DNM3: variants seen among roughly 807,000 people sequenced by gnomAD.
DNM3 encodes the protein dynamin 3, also known as dynamin-3.
In DNM3, 47 loss-of-function variants were observed where a neutral mutation model predicts 101.6. The observed-to-expected ratio is 0.46, with a 90% confidence interval of 0.37 to 0.59. DNM3 has a LOEUF of 0.59. DNM3 is among the 20% of genes least tolerant of loss of function. DNM3 has a pLI of 0.00. For synonymous variants in DNM3, 385 were observed against 387.9 expected (o/e 0.99, Z 0.09); for missense variants, 849 against 1,085.7 (o/e 0.78, Z 3.06).
chr1:172,410,145 T>C lies in DNM3; in HGVS notation c.*2304T>C. The C allele has an allele frequency of 1.0e-6, 1 of 985,342 alleles. No homozygotes were observed. The highest frequency in any genetic ancestry group is 1.2e-6 in the Non-Finnish European group (1 of 829,842). 61.0% of individuals were successfully genotyped at this position (985,342 alleles called of 1,614,324 possible). ...TACTCTAGAATTTCAGCAGTGACAT[T>C]GGAGAATATTTTTAATTTGCTGCAG... On this transcript the variant is annotated 3_prime_UTR_variant, in exon 21 of 21. Coordinates refer to ENST00000627582, the MANE Select transcript of DNM3 (RefSeq NM_015569.5).
At chr1:172,093,062 G>T (rs2054018672) in intron 13 of DNM3, among the ~76,000 whole-genome samples, 187 bp downstream of exon 13, 1 of 151,998 alleles carries the variant, frequency 6.6e-6, no homozygotes, top group South Asian at 2.1e-4. Context: ...GCTATTTTGT[G>T]CAGTTAACCA....
chr1:172,046,929 G>A lies in DNM3; in HGVS notation c.1197-1683G>A, dbSNP rs10910973. ...AAACTCATTACCATATACAGCTTTT[G>A]TCAAATATAACTGCAAAATCTCAGT... On this transcript the variant is annotated intron_variant, in intron 9 of 20. Coordinates refer to ENST00000627582, the MANE Select transcript of DNM3 (RefSeq NM_015569.5). Among the ~76,000 whole-genome samples the A allele has an allele frequency of 8.9e-3, 1,347 of 152,150 alleles. 16 individuals are homozygous for A. Among genetic ancestry groups the A allele is most frequent in the African/African-American group, 0.03 (1,237 of 41,506 alleles).
chr1:172,114,306 G>A (rs1478689141), intron 13 of DNM3, among the ~76,000 whole-genome samples: 1 of 152,200 alleles, frequency 6.6e-6, no homozygotes, highest in Non-Finnish European at 1.5e-5. Flanking sequence ...CTTGCATGTT[G>A]TAGAAACCAA....
intron 14 of DNM3, among the ~76,000 whole-genome samples, chr1:172,170,238 T>C (rs1426373665): frequency 6.6e-6 from 1 of 151,900 alleles, no homozygotes. Context: ...CAATATCAAG[T>C]GGAGGTGCCA....
At chr1:172,012,566 TCA>T (rs1206117446) in intron 4 of DNM3, among the ~76,000 whole-genome samples, 2 of 151,988 alleles carry the variant, frequency 1.3e-5, no homozygotes, top group Non-Finnish European at 2.9e-5. Context: ...GTGCAAATTC[TCA>T]GAGACCCACT....
chr1:172,034,769 G>A (rs1054187607), intron 6 of DNM3, among the ~76,000 whole-genome samples: 3 of 152,062 alleles, frequency 2.0e-5, no homozygotes, highest in South Asian at 2.1e-4. Context: ...ATGACATGAC[G>A]TTTTTGAAAA....
At chr1:172,311,175 T>G (rs1036512436) in intron 16 of DNM3, 2 of 152,140 alleles carry the variant, frequency 1.3e-5, no homozygotes, top group African/African-American at 4.8e-5. Context: ...ATTATGAACA[T>G]TTTCATCAAA....
intron 11 of DNM3, among the ~76,000 whole-genome samples, chr1:172,071,392 G>T (rs1487349819): frequency 6.6e-6 from 1 of 151,824 alleles, no homozygotes; most frequent in Non-Finnish European, 1.5e-5. Flanking sequence ...GACTTGTGTG[G>T]CATAGCAGAA....
At chr1:172,095,778 C>T (rs976487785) in intron 13 of DNM3, among the ~76,000 whole-genome samples, 6 of 152,168 alleles carry the variant, frequency 3.9e-5, no homozygotes, top group Non-Finnish European at 8.8e-5. Flanking sequence ...CAAAACTCTT[C>T]TTTAAAGTCT....
At chr1:172,063,216 T>C (rs2125919205) in intron 10 of DNM3, among the ~76,000 whole-genome samples, 1 of 152,334 alleles carries the variant, frequency 6.6e-6, no homozygotes, top group East Asian at 1.9e-4. Flanking sequence ...GGCATCAAAC[T>C]TGTTCCTCTT....
chr1:172,348,158 G>A lies in DNM3; in HGVS notation c.1893+24818G>A, dbSNP rs552626832. On this transcript the variant is annotated intron_variant, in intron 17 of 20. Coordinates refer to ENST00000627582, the MANE Select transcript of DNM3 (RefSeq NM_015569.5). ...TGATACTGTATGAACAGATGCAGACGAAAGTGTGCCATGAACCAAGGATTA... is the reference window on the plus strand; with the variant it reads ...TGATACTGTATGAACAGATGCAGACAAAAGTGTGCCATGAACCAAGGATTA... 5.3e-5 allele frequency among the ~76,000 whole-genome samples: 8 copies of A among 152,190 alleles called. No individual in the cohort carries two copies. The South Asian group carries it at 8.3e-4, about 16-fold the overall frequency.
chr1:172,091,093 GTTGTTGGAGTCCT>G (rs1410132345), intron 12 of DNM3, among the ~76,000 whole-genome samples: 1 of 152,206 alleles, frequency 6.6e-6, no homozygotes, highest in Non-Finnish European at 1.5e-5. Context: ...CTGTTGTTAA[GTTGTTGGAGTCCT>G]TTCTGGCTTT....
intron 15 of DNM3, among the ~76,000 whole-genome samples, chr1:172,263,294 T>C (rs1349431762): frequency 6.6e-6 from 1 of 152,232 alleles, no homozygotes; most frequent in East Asian, 1.9e-4. Context: ...TATTCTGTTA[T>C]CCATTCCAAA....
intron 9 of DNM3, among the ~76,000 whole-genome samples, chr1:172,048,257 T>G (rs896392767): frequency 6.6e-6 from 1 of 152,148 alleles, no homozygotes; most frequent in Admixed American, 6.5e-5. Context: ...AATTGTATAA[T>G]CTAGAAACTC....
chr1:172,213,386 T>C (rs890188435), intron 14 of DNM3, among the ~76,000 whole-genome samples: 1 of 152,078 alleles, frequency 6.6e-6, no homozygotes, highest in African/African-American at 2.4e-5. Context: ...GTGCTGGTAA[T>C]GTTCTGTTTC....
intron 6 of DNM3, among the ~76,000 whole-genome samples, chr1:172,034,671 A>G (rs1479102595): frequency 2.0e-5 from 3 of 152,024 alleles, no homozygotes; most frequent in Non-Finnish European, 4.4e-5. Context: ...TATTTATACT[A>G]TGTTTGAAAC....
intron 13 of DNM3, among the ~76,000 whole-genome samples, chr1:172,103,775 G>A (rs1217918361): frequency 6.6e-6 from 1 of 152,204 alleles, no homozygotes; most frequent in Non-Finnish European, 1.5e-5. Flanking sequence ...TGCCAAGGAG[G>A]GTGGATCACG....
rs2069229332 is a variant in DNM3 at position 172,387,143 on chromosome 1, T to C, written c.2069T>C (p.Phe690Ser). The C allele has an allele frequency of 6.2e-7, 1 of 1,613,472 alleles. No homozygotes were observed. Reference protein sequence around the residue: ...MHLMINNVKDFINSELLAQLY... With the variant: ...MHLMINNVKDSINSELLAQLY... ...GTGGTGATCTGACAGGTTAAAGATT[T>C]CATAAATTCCGAGCTCCTAGCACAG... The change falls in exon 19 of 21, where the codon TTC (phenylalanine) becomes TCC (serine). Residue 690 changes from phenylalanine to serine, a missense_variant. By Grantham distance (155) the Phe-to-Ser change is radical. Coordinates refer to ENST00000627582, the MANE Select transcript of DNM3 (RefSeq NM_015569.5).
intron 13 of DNM3, among the ~76,000 whole-genome samples, chr1:172,125,827 A>C (rs1034161732): frequency 2.0e-5 from 3 of 152,170 alleles, no homozygotes; most frequent in African/African-American, 4.8e-5. Flanking sequence ...TTATTTTGGC[A>C]GTTTTAAATT....
Sources: allele counts gnomAD v4.1 joint callset (sites outside exome capture counted in the v4.1 genomes callset), GRCh38; gene constraint gnomAD v4.1.1; transcripts MANE v1.5; gene names NCBI Gene and HGNC (gene_info 2026-07-23, HGNC 2026-07-21).